CD200: variants seen among roughly 807,000 people sequenced by gnomAD.
CD200 encodes the protein OX-2 membrane glycoprotein.
CD200 carries 15 observed loss-of-function variants against 30.9 expected under a neutral mutation model. The ratio of observed to expected loss-of-function variants is 0.49; its 90% confidence interval spans 0.32 to 0.75. CD200 has a LOEUF of 0.75. Among genes scored for constraint, CD200 ranks in the 30% least tolerant of loss-of-function variants. The pLI is 0.03. For synonymous variants in CD200, 134 were observed against 126.2 expected (o/e 1.06, Z -0.41); for missense variants, 262 against 324.2 (o/e 0.81, Z 1.47).
intron 5 of CD200, among the ~76,000 whole-genome samples, chr3:112,353,756 G>A (rs2081578879): frequency 6.6e-6 from 1 of 152,180 alleles, no homozygotes; most frequent in African/African-American, 2.4e-5. Flanking sequence ...TACAAAGGCT[G>A]TATGAATGGG....
intron 5 of CD200, among the ~76,000 whole-genome samples, chr3:112,359,040 C>G (rs1000867691): frequency 6.6e-6 from 1 of 152,188 alleles, no homozygotes; most frequent in African/African-American, 2.4e-5. Context: ...ACCGGTACTT[C>G]AGGTAGTCCT....
chr3:112,354,146 C>T lies in CD200; in HGVS notation c.802+4327C>T, dbSNP rs148979706. ...TTGCTGTTCTCTCTAACATCTAAACCCACATGGGCATAGATGACCCAAATT... is the reference window on the plus strand; with the variant it reads ...TTGCTGTTCTCTCTAACATCTAAACTCACATGGGCATAGATGACCCAAATT... On this transcript the variant is annotated intron_variant, in intron 5 of 5. Transcript: ENST00000315711. Among the ~76,000 whole-genome samples the T allele has an allele frequency of 5.9e-5, 9 of 152,204 alleles. No individual in the cohort carries two copies. The East Asian group carries it at 1.5e-3, about 26-fold the overall frequency.
intron 3 of CD200, among the ~76,000 whole-genome samples, 184 bp downstream of exon 3, chr3:112,345,472 T>C (rs955092843): frequency 2.0e-5 from 3 of 152,168 alleles, no homozygotes; most frequent in Admixed American, 6.5e-5. Context: ...CTACACTGAG[T>C]TCTTTGGCTG....
chr3:112,336,389 A>G (rs1317541497), intron 1 of CD200, among the ~76,000 whole-genome samples: 2 of 152,136 alleles, frequency 1.3e-5, no homozygotes, highest in East Asian at 3.9e-4. Context: ...GGCCATCACA[A>G]GACAATAAAA....
chr3:112,333,066 G>A (rs947702758), upstream of CD200: 4 of 1,198,500 alleles, frequency 3.3e-6, no homozygotes, highest in Non-Finnish European at 4.7e-6. Flanking sequence ...GAGGGCGTGG[G>A]GAAAACGGAG....
intron 2 of CD200, among the ~76,000 whole-genome samples, chr3:112,342,435 T>C (rs2081290724): frequency 7.0e-6 from 1 of 142,478 alleles, no homozygotes; most frequent in Non-Finnish European, 1.5e-5. Flanking sequence ...CTTTCTTCTC[T>C]CTCTTTCTAT....
chr3:112,338,065 A>G (rs2081158008), intron 1 of CD200, among the ~76,000 whole-genome samples: 1 of 152,208 alleles, frequency 6.6e-6, no homozygotes, highest in African/African-American at 2.4e-5. Context: ...ATCCACGGAT[A>G]CAGAACCAAC....
rs147602413 is a variant in CD200, at chr3:112,355,931, AT to A, written c.803-5611del. 2.0e-5 allele frequency among the ~76,000 whole-genome samples: 3 copies of A among 152,342 alleles called. No individual in the cohort carries two copies. In the East Asian group the frequency reaches 5.8e-4, roughly 29 times the overall value. ...ATTTGAATAATTTTAATCTCTAAAA[AT>A]AACCATATTGTAAAAAAATACAATT... is the stretch of plus-strand genomic sequence containing the variant. On this transcript the variant is annotated intron_variant, in intron 5 of 5. Transcript: ENST00000315711.
At chr3:112,352,519 A>T (rs1481806585) in intron 5 of CD200, among the ~76,000 whole-genome samples, 1 of 146,220 alleles carries the variant, frequency 6.8e-6, no homozygotes, top group Non-Finnish European at 1.5e-5. Context: ...GAACAGAAAC[A>T]CTAAAGTGAA....
chr3:112,341,188 A>T (rs534646256), intron 2 of CD200, among the ~76,000 whole-genome samples: 3 of 152,314 alleles, frequency 2.0e-5, no homozygotes, highest in Non-Finnish European at 4.4e-5. Flanking sequence ...TGATATTTAG[A>T]AGCCGTTTCC....
intron 5 of CD200, among the ~76,000 whole-genome samples, chr3:112,359,094 G>A (rs1242514119): frequency 4.6e-5 from 7 of 152,166 alleles, no homozygotes; most frequent in Admixed American, 4.6e-4. Context: ...GTTTTGCTCT[G>A]GCAAGGGCTG....
intron 5 of CD200, 47 bp downstream of exon 5, chr3:112,349,866 T>A: frequency 6.4e-7 from 1 of 1,552,346 alleles, no homozygotes; most frequent in Non-Finnish European, 8.7e-7. Context: ...TTAAATTTGA[T>A]TTTTAATGAC....
intron 4 of CD200, 61 bp from the exon 5 acceptor site, chr3:112,349,651 T>C: frequency 6.8e-7 from 1 of 1,468,164 alleles, no homozygotes; most frequent in South Asian, 1.3e-5. Context: ...CTCAACTCTT[T>C]TTGCCTCAAC....
At chr3:112,361,427 A>G in intron 5 of CD200, 116 bp from the exon 6 acceptor site, 1 of 866,080 alleles carries the variant, frequency 1.2e-6, no homozygotes, top group Non-Finnish European at 2.0e-6. Context: ...TTGCCAATGA[A>G]TATACACTAG....
chr3:112,334,250 T>C (rs1169716992), intron 1 of CD200: 1 of 985,330 alleles, frequency 1.0e-6, no homozygotes, highest in African/African-American at 1.7e-5. Flanking sequence ...AGAAACTTGC[T>C]GAGGAAGAGG....
chr3:112,342,612 AG>A (rs977145829), intron 2 of CD200, among the ~76,000 whole-genome samples: 26 of 151,810 alleles, frequency 1.7e-4, no homozygotes, highest in African/African-American at 6.3e-4. Context: ...TAGTAGAAAC[AG>A]GGTTTCACTT....
At chr3:112,361,022 T>C (rs540735548) in intron 5 of CD200, among the ~76,000 whole-genome samples, 5 of 152,108 alleles carry the variant, frequency 3.3e-5, no homozygotes, top group Non-Finnish European at 7.4e-5. Context: ...GTTTTGTTTT[T>C]GTTTTTGGTT....
At chr3:112,361,443 C>A in intron 5 of CD200, 100 bp from the exon 6 acceptor site, 1 of 958,478 alleles carries the variant, frequency 1.0e-6, no homozygotes, top group Non-Finnish European at 1.7e-6. Flanking sequence ...ACTAGAATAA[C>A]TCTGTGTTTC....
chr3:112,341,505 G>A (rs772781769), intron 2 of CD200, among the ~76,000 whole-genome samples: 1 of 152,108 alleles, frequency 6.6e-6, no homozygotes, highest in Non-Finnish European at 1.5e-5. Flanking sequence ...AGTTCCTTGG[G>A]AGGCCACACT....
Sources: gnomAD v4.1 joint callset for allele counts (sites outside exome capture counted in the v4.1 genomes callset) on GRCh38, gnomAD v4.1.1 for gene constraint, MANE v1.5 for transcripts, NCBI Gene and HGNC (gene_info 2026-07-23, HGNC 2026-07-21) for gene names.